IGSF10: variants seen among roughly 807,000 people sequenced by gnomAD.
IGSF10 encodes the protein immunoglobulin superfamily member 10, also known as calvaria mechanical force protein 608.
Under a neutral mutation model 128.2 loss-of-function variants are expected in IGSF10, and 126 were observed. The ratio of observed to expected loss-of-function variants is 0.98; its 90% CI spans 0.85 to 1.14. IGSF10 has a LOEUF of 1.14. Ranked by LOEUF, IGSF10 falls within the 50% of genes most tolerant of loss-of-function variation. The probability of loss-of-function intolerance (pLI) is 0.00; values close to 1 mark genes in which losing one functional copy is unlikely to be tolerated. For synonymous variants in IGSF10, 1,185 were observed against 1,146.2 expected, an observed-to-expected ratio of 1.03 and a Z score of -0.68; for missense variants, 3,295 against 3,149.8, an observed-to-expected ratio of 1.05 and a Z score of -1.10.
the IGSF10 span, among the ~76,000 whole-genome samples, chr3:151,597,848 C>T: frequency 7.9e-5 from 12 of 151,446 alleles, no homozygotes; most frequent in South Asian, 2.1e-4. Flanking sequence ...ACCCGGGAGG[C>T]GGAGGTTGCA....
At chr3:151,475,576 A>C in the IGSF10 span, among the ~76,000 whole-genome samples, 2 of 152,158 alleles carry the variant, frequency 1.3e-5, no homozygotes, top group African/African-American at 4.8e-5. Context: ...AACTGTGTTC[A>C]AGTAAGGCAA....
chr3:151,553,597 GCTCT>G, the IGSF10 span, among the ~76,000 whole-genome samples: 607 of 148,734 alleles, frequency 4.1e-3, 1 homozygote, highest in East Asian at 0.017. Flanking sequence ...TTCTTTCAGA[GCTCT>G]CTCTCTCTCT....
At chr3:151,455,573 T>C (rs1356015188) in intron 4 of IGSF10, among the ~76,000 whole-genome samples, 1 of 152,214 alleles carries the variant, frequency 6.6e-6, no homozygotes, top group Non-Finnish European at 1.5e-5. Flanking sequence ...TCATACACTT[T>C]ATGGCATTGT....
Position 151,438,352 on chromosome 3 carries a change from A to ATCTC in IGSF10, c.6205_6208dup (p.Ile2070ArgfsTer8). ...GGTTCCATCAGGCAAACTCCAAGAT[A>ATCTC]TCTCTGGCACTGGGGAGCCGGAAGC... On this transcript the variant is annotated frameshift_variant, in exon 8 of 8. Coordinates refer to ENST00000282466, the MANE Select transcript of IGSF10 (RefSeq NM_178822.5). LOFTEE classifies it low-confidence loss of function (END_TRUNC). The ATCTC allele has an allele frequency of 6.2e-7, 1 of 1,614,202 alleles. No individual in the cohort carries two copies. Among genetic ancestry groups the ATCTC allele is most frequent in the Non-Finnish European group, 8.5e-7 (1 of 1,180,040 alleles).
At chr3:151,490,519 T>A in the IGSF10 span, among the ~76,000 whole-genome samples, 1 of 147,538 alleles carries the variant, frequency 6.8e-6, no homozygotes, top group East Asian at 1.9e-4. Flanking sequence ...TTTTTTTTTT[T>A]ACCAAAAAGA....
the IGSF10 span, among the ~76,000 whole-genome samples, chr3:151,575,183 C>T: frequency 6.6e-6 from 1 of 152,300 alleles, no homozygotes; most frequent in East Asian, 1.9e-4. Context: ...CCCAGTTAGG[C>T]TACACGGGGA....
chr3:151,466,461 C>T, the IGSF10 span, among the ~76,000 whole-genome samples: 1 of 152,178 alleles, frequency 6.6e-6, no homozygotes, highest in African/African-American at 2.4e-5. Flanking sequence ...TGGGTAGGTA[C>T]TTTATTTTTA....
chr3:151,482,718 C>A, the IGSF10 span, among the ~76,000 whole-genome samples: 3 of 152,000 alleles, frequency 2.0e-5, no homozygotes, highest in Non-Finnish European at 4.4e-5. Context: ...AGATTCAACC[C>A]AAGGAAGTCC....
At chr3:151,558,156 T>C in the IGSF10 span, among the ~76,000 whole-genome samples, 5 of 148,836 alleles carry the variant, frequency 3.4e-5, no homozygotes, top group African/African-American at 1.2e-4. Context: ...ATTTTAGGAG[T>C]GTAACACTGA....
At chr3:151,450,306 G>A (rs1032323525) in intron 5 of IGSF10, among the ~76,000 whole-genome samples, 2 of 152,166 alleles carry the variant, frequency 1.3e-5, no homozygotes, top group Non-Finnish European at 2.9e-5. Flanking sequence ...GTTCCATATA[G>A]TAGCTCTTAT....
At chr3:151,573,238 A>G in the IGSF10 span, among the ~76,000 whole-genome samples, 2,468 of 152,332 alleles carry the variant, frequency 0.016, 22 homozygotes, top group South Asian at 0.025. Flanking sequence ...GTAGATGTCT[A>G]GTAGGTCTGC....
At chr3:151,584,275 C>A in the IGSF10 span, among the ~76,000 whole-genome samples, 1 of 152,142 alleles carries the variant, frequency 6.6e-6, no homozygotes, top group African/African-American at 2.4e-5. Flanking sequence ...AACCAGACTT[C>A]TCTTGGCATT....
chr3:151,439,649 G>T (rs1225163651), intron 7 of IGSF10, among the ~76,000 whole-genome samples: 1 of 152,204 alleles, frequency 6.6e-6, no homozygotes, highest in Non-Finnish European at 1.5e-5. Context: ...GAATACCAAC[G>T]CAAGGTTCCT....
chr3:151,567,109 C>T, the IGSF10 span, among the ~76,000 whole-genome samples: 1 of 152,062 alleles, frequency 6.6e-6, no homozygotes, highest in Non-Finnish European at 1.5e-5. Flanking sequence ...AGACTTGGGC[C>T]CTGGGCATTT....
chr3:151,436,420 T>C lies in IGSF10; in HGVS notation c.*269A>G. On this transcript the variant is annotated 3_prime_UTR_variant, in exon 8 of 8. Coordinates refer to ENST00000282466, the MANE Select transcript of IGSF10 (RefSeq NM_178822.5). ...CAGGTACATTAGCCATTTGTTATTT[T>C]ATAGTGAACCGTTTCAATGTTTGTT... 1 of 290,800 alleles carries C rather than the reference T, an allele frequency of 3.4e-6. No individual in the cohort carries two copies. The highest frequency in any genetic ancestry group is 6.4e-6 in the Non-Finnish European group (1 of 156,832). The allele number at this position is 290,800 out of a possible 1,614,324, so 18.0% of individuals were successfully genotyped here.
the IGSF10 span, among the ~76,000 whole-genome samples, chr3:151,513,032 G>A: frequency 6.6e-6 from 1 of 152,086 alleles, no homozygotes. Context: ...TTCTACCAGA[G>A]GTACAAGGAG....
the IGSF10 span, among the ~76,000 whole-genome samples, chr3:151,467,453 A>C: frequency 1.1e-4 from 16 of 152,174 alleles, no homozygotes; most frequent in African/African-American, 3.9e-4. Flanking sequence ...GGGCTTCCTG[A>C]CCTTTACCAA....
chr3:151,532,387 C>CA, the IGSF10 span, among the ~76,000 whole-genome samples: 244 of 152,202 alleles, frequency 1.6e-3, no homozygotes, highest in African/African-American at 5.8e-3. Context: ...AAGAAAATTT[C>CA]AGGCCAGTAT....
At chr3:151,489,676 A>G in the IGSF10 span, among the ~76,000 whole-genome samples, 10 of 152,168 alleles carry the variant, frequency 6.6e-5, no homozygotes, top group African/African-American at 1.2e-4. Context: ...TTGCAGGCAC[A>G]TGGAAGATGC....
Sources: allele counts gnomAD v4.1 joint callset (sites outside exome capture counted in the v4.1 genomes callset), GRCh38; gene constraint gnomAD v4.1.1; transcripts MANE v1.5; gene names NCBI Gene and HGNC (gene_info 2026-07-23, HGNC 2026-07-21).